KIF13A: variants seen among roughly 807,000 people sequenced by gnomAD.
KIF13A encodes kinesin family member 13A.
KIF13A carries 79 observed loss-of-function variants against 212.2 expected under a neutral mutation model. That is an observed-to-expected ratio of 0.37 (90% confidence interval 0.31 to 0.45). The LOEUF (loss-of-function observed/expected upper bound fraction) is 0.45. KIF13A is among the 20% of genes least tolerant of loss of function. KIF13A has a pLI of 1.00. For missense variants in KIF13A, 1,901 were observed against 2,209.0 expected, an observed-to-expected ratio of 0.86 and a Z score of 2.79; for synonymous variants, 789 against 808.6, an observed-to-expected ratio of 0.98 and a Z score of 0.41.
At position 17,871,327 on chromosome 6, in the gene KIF13A, T is replaced by C. The variant is rs1046260075; in HGVS notation, c.220+2050A>G. ...GGTGCCTTTCCAGATTTTCTCTCTT[T>C]AAAATCTGGTGCCTTTTCTCTTTCT... On this transcript the variant is annotated intron_variant, in intron 4 of 38. Coordinates refer to ENST00000259711, the MANE Select transcript of KIF13A (RefSeq NM_022113.6). The surrounding 1 kb of genome is among the most constrained non-coding windows in gnomAD (Gnocchi z 4.4). Among the ~76,000 whole-genome samples the C allele has an allele frequency of 6.6e-6, 1 of 152,186 alleles. No homozygotes were observed. Among genetic ancestry groups the C allele is most frequent in the Non-Finnish European group, 1.5e-5 (1 of 68,020 alleles).
intron 20 of KIF13A, among the ~76,000 whole-genome samples, chr6:17,803,921 G>GT (rs1327431404): frequency 1.3e-5 from 2 of 152,212 alleles, no homozygotes; most frequent in African/African-American, 4.8e-5. Flanking sequence ...GGGAAGCCGA[G>GT]GCGGGCGGAT....
At chr6:17,890,790 C>CTAA (rs71536760) in intron 3 of KIF13A, among the ~76,000 whole-genome samples, 46,322 of 138,956 alleles carry the variant, frequency 0.33, 8,152 homozygotes, top group East Asian at 0.52. Flanking sequence ...CTATGCCCAG[C>CTAA]TAATAATAAT....
At chr6:17,973,062 T>C (rs1214010225) in intron 2 of KIF13A, among the ~76,000 whole-genome samples, 1 of 152,070 alleles carries the variant, frequency 6.6e-6, no homozygotes, top group Non-Finnish European at 1.5e-5. Context: ...CAGTGGAAGA[T>C]AGGAAATATT....
intron 9 of KIF13A, among the ~76,000 whole-genome samples, chr6:17,847,445 C>T (rs574227466): frequency 5.3e-5 from 8 of 152,254 alleles, no homozygotes; most frequent in East Asian, 3.9e-4. Context: ...CCTGTGAGTA[C>T]GGCTGTGTCC....
intron 18 of KIF13A, 121 bp downstream of exon 18, chr6:17,808,647 T>A (rs756688649): frequency 1.3e-5 from 11 of 872,654 alleles, no homozygotes; most frequent in African/African-American, 3.4e-5. Flanking sequence ...TTGAAAAAAA[T>A]AAACATCTCT....
At chr6:17,952,555 T>G (rs1777952553) in intron 2 of KIF13A, among the ~76,000 whole-genome samples, 1 of 151,294 alleles carries the variant, frequency 6.6e-6, no homozygotes, top group African/African-American at 2.4e-5. Context: ...GAGGATCCCT[T>G]GAGCCCAGGA....
intron 2 of KIF13A, among the ~76,000 whole-genome samples, chr6:17,911,679 G>A (rs9371025): frequency 0.55 from 80,341 of 146,002 alleles, 23,292 homozygotes; most frequent in Non-Finnish European, 0.66. Context: ...GGGTTGTGGC[G>A]GGGGGTGGTT....
At chr6:17,853,768 T>C (rs566238129) in intron 6 of KIF13A, among the ~76,000 whole-genome samples, 1 of 152,270 alleles carries the variant, frequency 6.6e-6, no homozygotes, top group South Asian at 2.1e-4. Flanking sequence ...GCAAAATTAT[T>C]TGTAAATGCT....
chr6:17,852,159 C>A (rs982751927), intron 6 of KIF13A, 117 bp from the exon 7 acceptor site: 5 of 456,094 alleles, frequency 1.1e-5, no homozygotes, highest in East Asian at 1.1e-4. Flanking sequence ...AATGACTCCT[C>A]CCCCCAACAA....
intron 38 of KIF13A, among the ~76,000 whole-genome samples, chr6:17,767,664 T>C (rs1759134111): frequency 6.6e-6 from 1 of 152,240 alleles, no homozygotes; most frequent in African/African-American, 2.4e-5. Context: ...ACTAAATTAC[T>C]ATTTACTATA....
chr6:17,865,814 C>T (rs959225133), intron 4 of KIF13A, among the ~76,000 whole-genome samples: 7 of 152,178 alleles, frequency 4.6e-5, no homozygotes, highest in Admixed American at 4.6e-4. Flanking sequence ...ACCACGGACA[C>T]ATTTTCCACT....
At chr6:17,833,847 C>G (rs1287322149) in intron 12 of KIF13A, 114 bp downstream of exon 12, 3 of 494,770 alleles carry the variant, frequency 6.1e-6, no homozygotes, top group Non-Finnish European at 6.5e-6. Flanking sequence ...CAGAGTGAGA[C>G]TCCGTCTCAA....
chr6:17,823,272 G>C (rs1022676235), intron 16 of KIF13A, among the ~76,000 whole-genome samples: 3 of 151,668 alleles, frequency 2.0e-5, no homozygotes, highest in Non-Finnish European at 2.9e-5. Flanking sequence ...TTGCAGGTGA[G>C]CCACCTGCCT....
rs1349271742 is a variant in KIF13A at position 17,934,248 on chromosome 6, G to A, written c.147-36068C>T. ...ACATTGGCCTTCTTCAAATTCTTAA[G>A]TGACCTGTGTGAGGTCAGAGCAGAG... On this transcript the variant is annotated intron_variant, in intron 2 of 38. Transcript: ENST00000259711. The surrounding 1 kb of genome is among the most constrained non-coding windows in gnomAD (Gnocchi z 5.4). Among the ~76,000 whole-genome samples the A allele has an allele frequency of 6.6e-6, 1 of 152,112 alleles. No homozygotes were observed. Among genetic ancestry groups the A allele is most frequent in the African/African-American group, 2.4e-5 (1 of 41,424 alleles).
chr6:17,928,576 T>A (rs775408821), intron 2 of KIF13A, among the ~76,000 whole-genome samples: 86 of 152,210 alleles, frequency 5.7e-4, no homozygotes, highest in Non-Finnish European at 1.1e-3. Flanking sequence ...TTCTGCTGTA[T>A]CTATTATGCT....
intron 2 of KIF13A, among the ~76,000 whole-genome samples, chr6:17,960,247 A>C (rs1246416688): frequency 6.6e-6 from 1 of 152,224 alleles, no homozygotes; most frequent in Non-Finnish European, 1.5e-5. Flanking sequence ...GTAACTAAAA[A>C]AAAGTAAACA....
chr6:17,824,530 C>G (rs1411926811), intron 16 of KIF13A, among the ~76,000 whole-genome samples: 1 of 151,976 alleles, frequency 6.6e-6, no homozygotes, highest in African/African-American at 2.4e-5. Context: ...GAGGCCAAGA[C>G]AGGCGGATCA....
chr6:17,865,230 T>G (rs668264), intron 4 of KIF13A, among the ~76,000 whole-genome samples: 60,730 of 151,998 alleles, frequency 0.4, 12,942 homozygotes, highest in East Asian at 0.58. Context: ...ATCCAATATT[T>G]GAACACGATC....
Position 17,785,749 on chromosome 6 carries a change from C to CA in KIF13A, c.3362-109_3362-108insT. The stretch of plus-strand genomic sequence containing the variant: ...GCAACATAGTGAGACCCCATCTCTA[C>CA]CAAAAAAAAAAAAATAGTTGGGCAG... On this transcript the variant is annotated intron_variant, in intron 27 of 38. Transcript: ENST00000259711. This position sits in a 1 kb window ranked among gnomAD's most constrained non-coding sequence, Gnocchi z 5.8. 4 of 1,125,478 alleles carry CA rather than the reference C, an allele frequency of 3.6e-6. No homozygotes were observed. Among genetic ancestry groups the CA allele is most frequent in the African/African-American group, 1.7e-5 (1 of 58,910 alleles). 69.7% of individuals were successfully genotyped at this position (1,125,478 alleles called of 1,614,324 possible). A position where few individuals can be genotyped will look rare whatever the true frequency, so the allele number is the denominator to read the frequency against.
Sources: gnomAD v4.1 joint callset for allele counts (sites outside exome capture counted in the v4.1 genomes callset) on GRCh38, gnomAD v4.1.1 for gene constraint, Gnocchi (gnomAD v3.1) non-coding constraint, MANE v1.5 for transcripts, NCBI Gene and HGNC (gene_info 2026-07-23, HGNC 2026-07-21) for gene names.